The following GLI2 variants were observed in gnomAD, a reference collection of about 807,000 sequenced individuals.
GLI2 encodes the protein GLI family zinc finger 2, also known as transcription activator GLI2.
In GLI2, 22 loss-of-function variants were observed where a neutral mutation model predicts 78.9. The observed-to-expected ratio is 0.28, with a 90% CI of 0.20 to 0.40. The LOEUF is 0.40. Ranked by LOEUF, GLI2 falls within the 10% of genes least tolerant of loss-of-function variation. The pLI is 1.00. For missense variants in GLI2, 2,097 were observed against 2,213.2 expected (o/e 0.95, Z 1.05); for synonymous variants, 974 against 963.7 (o/e 1.01, Z -0.20).
At chr2:120,892,385 G>A (rs1427646200) in intron 2 of GLI2, among the ~76,000 whole-genome samples, 2 of 152,202 alleles carry the variant, frequency 1.3e-5, no homozygotes, top group East Asian at 1.9e-4. Flanking sequence ...CAGGGCACAG[G>A]CCTCTGTCTG....
In GLI2 at chr2:120,857,480, C is replaced by T. The variant is rs1687713514; in HGVS notation, c.148+60012C>T. Among the ~76,000 whole-genome samples, 3 of 107,618 alleles carry T rather than the reference C, an allele frequency of 2.8e-5. No homozygotes were observed. The South Asian group carries it at 1.1e-3, about 39-fold the overall frequency. 70.6% of individuals were successfully genotyped at this position (107,618 alleles called of 152,430 possible). ...ACCCACCTACCTACCCATCTTCCCA[C>T]CCAGCCACCCACCTACCCATCTGCC... On this transcript the variant is annotated intron_variant, in intron 2 of 13. Transcript: ENST00000361492.
chr2:120,974,026 C>G (rs1420428746), intron 8 of GLI2, among the ~76,000 whole-genome samples: 2 of 152,146 alleles, frequency 1.3e-5, no homozygotes, highest in East Asian at 3.9e-4. Context: ...TCCCCCTGAG[C>G]CTGACTATAC....
intron 2 of GLI2, among the ~76,000 whole-genome samples, chr2:120,861,567 G>A (rs947799547): frequency 5.3e-5 from 8 of 152,360 alleles, no homozygotes; most frequent in Middle Eastern, 6.8e-3. Flanking sequence ...CAGTCTCCAA[G>A]CCTGGGCTGC....
At chr2:120,978,147 C>T (rs903309774) in intron 9 of GLI2, among the ~76,000 whole-genome samples, 31 of 152,266 alleles carry the variant, frequency 2.0e-4, no homozygotes, top group African/African-American at 7.0e-4. Flanking sequence ...GGCAGATAAG[C>T]GGCACGCAGT....
chr2:120,835,654 G>A (rs1252155084), intron 2 of GLI2, among the ~76,000 whole-genome samples: 1 of 152,066 alleles, frequency 6.6e-6, no homozygotes. Context: ...CCAAAGTGCT[G>A]AGATTACAGG....
chr2:120,817,500 A>T (rs1685555650), intron 2 of GLI2, among the ~76,000 whole-genome samples: 1 of 151,930 alleles, frequency 6.6e-6, no homozygotes, highest in African/African-American at 2.4e-5. Context: ...TTACAGTCTC[A>T]TCACCGCTCC....
chr2:120,931,950 A>G (rs1209576225), intron 3 of GLI2, among the ~76,000 whole-genome samples: 1 of 152,050 alleles, frequency 6.6e-6, no homozygotes, highest in South Asian at 2.1e-4. Context: ...ACTATCCTCA[A>G]GACAGTTGGT....
chr2:120,833,364 G>A (rs543502042), intron 2 of GLI2, among the ~76,000 whole-genome samples: 218 of 152,208 alleles, frequency 1.4e-3, no homozygotes, highest in African/African-American at 4.2e-3. Flanking sequence ...TGAGCTAGGT[G>A]AGGGTCTGCA....
intron 1 of GLI2, among the ~76,000 whole-genome samples, chr2:120,738,259 T>C (rs953318549): frequency 3.9e-5 from 6 of 152,248 alleles, no homozygotes; most frequent in African/African-American, 1.4e-4. Context: ...TCTTTTTGAC[T>C]ATGCTTCTTG....
intron 2 of GLI2, among the ~76,000 whole-genome samples, chr2:120,849,401 A>G (rs1687294537): frequency 6.6e-6 from 1 of 152,228 alleles, no homozygotes; most frequent in South Asian, 2.1e-4. Flanking sequence ...CCTCCCATAT[A>G]GAATGACTAG....
intron 2 of GLI2, among the ~76,000 whole-genome samples, chr2:120,803,711 C>G (rs552248199): frequency 6.6e-6 from 1 of 152,266 alleles, no homozygotes; most frequent in African/African-American, 2.4e-5. Context: ...CCAGACCAGA[C>G]CAAAGGTTAC....
intron 1 of GLI2, among the ~76,000 whole-genome samples, chr2:120,765,870 C>T (rs1189232077): frequency 6.6e-6 from 1 of 152,214 alleles, no homozygotes; most frequent in Non-Finnish European, 1.5e-5. Context: ...AAGGCGGCTG[C>T]AGGAGACTCA....
intron 2 of GLI2, among the ~76,000 whole-genome samples, chr2:120,863,613 A>T (rs1434613368): frequency 6.6e-6 from 1 of 152,256 alleles, no homozygotes; most frequent in East Asian, 1.9e-4. Flanking sequence ...AATGTGGATT[A>T]TCTGGGCATT....
Position 120,986,259 on chromosome 2 carries a change from C to T in GLI2, c.1906-19C>T, listed in dbSNP as rs1469482963. On this transcript the variant is annotated intron_variant, in intron 12 of 13. Coordinates refer to ENST00000361492, the MANE Select transcript of GLI2 (RefSeq NM_001374353.1). ...CTGATACCCTCTGAGTCTGAGCCTT[C>T]TTGCCTCGTCCCCTGCAGCTGTGTC... is the stretch of plus-strand genomic sequence containing the variant. 6.2e-7 allele frequency: 1 copy of T among 1,609,626 alleles called. No individual in the cohort carries two copies. Among genetic ancestry groups the T allele is most frequent in the Admixed American group, 1.7e-5 (1 of 60,006 alleles).
At chr2:120,875,824 C>A (rs1209472452) in intron 2 of GLI2, among the ~76,000 whole-genome samples, 1 of 152,096 alleles carries the variant, frequency 6.6e-6, no homozygotes, top group South Asian at 2.1e-4. Context: ...GGGGGGCTGG[C>A]CTACCAGATG....
chr2:120,824,465 C>G (rs1309686996), intron 2 of GLI2, among the ~76,000 whole-genome samples: 1 of 152,252 alleles, frequency 6.6e-6, no homozygotes, highest in African/African-American at 2.4e-5. Context: ...GGCCCACCCT[C>G]TGAGCTTTGG....
chr2:120,843,867 A>T (rs988954685), intron 2 of GLI2, among the ~76,000 whole-genome samples: 2 of 152,140 alleles, frequency 1.3e-5, no homozygotes, highest in African/African-American at 4.8e-5. Context: ...GGGTTTCACC[A>T]TGTTGGCTAG....
chr2:120,841,381 GC>G (rs1686861711), intron 2 of GLI2, among the ~76,000 whole-genome samples: 1 of 152,198 alleles, frequency 6.6e-6, no homozygotes, highest in African/African-American at 2.4e-5. Context: ...AGAGGAGAGG[GC>G]CCATTTCATC....
chr2:120,921,912 G>A (rs1336809424), intron 2 of GLI2, among the ~76,000 whole-genome samples: 3 of 152,142 alleles, frequency 2.0e-5, no homozygotes, highest in African/African-American at 7.2e-5. Flanking sequence ...CCTGACACCT[G>A]GCCTTTGAAT....
Sources: gnomAD v4.1 joint callset for allele counts (sites outside exome capture counted in the v4.1 genomes callset) on GRCh38, gnomAD v4.1.1 for gene constraint, MANE v1.5 for transcripts, NCBI Gene and HGNC (gene_info 2026-07-23, HGNC 2026-07-21) for gene names.